UBE2V2: variants seen among roughly 807,000 people sequenced by gnomAD.
The protein encoded by UBE2V2 is ubiquitin conjugating enzyme E2 V2.
A neutral mutation model predicts 17.2 loss-of-function variants in UBE2V2; 9 were observed. The ratio of observed to expected loss-of-function variants is 0.52; its 90% CI spans 0.32 to 0.91. The LOEUF is 0.91. UBE2V2 is among the 40% of genes least tolerant of loss of function. The pLI is 0.04. For synonymous variants in UBE2V2, 61 were observed against 57.5 expected (o/e 1.06, Z -0.28); for missense variants, 133 against 182.6 (o/e 0.73, Z 1.56).
intron 1 of UBE2V2, among the ~76,000 whole-genome samples, chr8:48,014,941 T>G (rs1362031968): frequency 1.4e-5 from 2 of 146,714 alleles, no homozygotes; most frequent in African/African-American, 2.6e-5. Flanking sequence ...TCCTGGCTAC[T>G]GGGGAGACTG....
At chr8:48,047,702 C>T (rs1394217827) in intron 2 of UBE2V2, among the ~76,000 whole-genome samples, 3 of 151,912 alleles carry the variant, frequency 2.0e-5, no homozygotes, top group Non-Finnish European at 4.4e-5. Flanking sequence ...GGATTACAGG[C>T]GTGTGCTACC....
At chr8:47,997,478 C>G in the UBE2V2 span, among the ~76,000 whole-genome samples, 1 of 151,956 alleles carries the variant, frequency 6.6e-6, no homozygotes, top group African/African-American at 2.4e-5. Context: ...TGGGCCTGGG[C>G]TGCAAGTCAC....
chr8:48,039,955 C>A (rs377036718), intron 1 of UBE2V2, among the ~76,000 whole-genome samples: 1 of 151,932 alleles, frequency 6.6e-6, no homozygotes, highest in Non-Finnish European at 1.5e-5. Flanking sequence ...GTTTCCAACT[C>A]CTGGGCTCAG....
intron 1 of UBE2V2, among the ~76,000 whole-genome samples, chr8:48,016,725 T>A (rs1307667890): frequency 6.6e-6 from 1 of 151,090 alleles, no homozygotes; most frequent in East Asian, 1.9e-4. Context: ...CAGGTGATCT[T>A]CCCACCTTGG....
intron 1 of UBE2V2, among the ~76,000 whole-genome samples, chr8:48,033,019 C>T (rs1274198718): frequency 6.6e-6 from 1 of 152,074 alleles, no homozygotes; most frequent in African/African-American, 2.4e-5. Flanking sequence ...AGGAATTCCA[C>T]TGAGGATGCC....
intron 1 of UBE2V2, among the ~76,000 whole-genome samples, chr8:48,041,252 G>C (rs1463362898): frequency 1.3e-5 from 2 of 150,376 alleles, no homozygotes; most frequent in African/African-American, 4.9e-5. Context: ...GCTCACTGCA[G>C]CCTCCGCCTC....
intron 1 of UBE2V2, among the ~76,000 whole-genome samples, chr8:48,027,699 CA>C (rs2091354801): frequency 6.6e-6 from 1 of 151,984 alleles, no homozygotes; most frequent in Non-Finnish European, 1.5e-5. Context: ...GGTGTTTCAC[CA>C]TGTTGCCCAG....
At chr8:47,998,318 C>T in the UBE2V2 span, among the ~76,000 whole-genome samples, 4 of 151,820 alleles carry the variant, frequency 2.6e-5, no homozygotes, top group Non-Finnish European at 2.9e-5. Flanking sequence ...AGTAGGGGCG[C>T]ACGTAGAAGA....
At chr8:48,041,425 C>T (rs1051194987) in intron 1 of UBE2V2, among the ~76,000 whole-genome samples, 7 of 151,978 alleles carry the variant, frequency 4.6e-5, no homozygotes, top group African/African-American at 1.4e-4. Context: ...GAGGTTGGCT[C>T]GGCTACAGAG....
chr8:48,056,485 C>G (rs2091572456), intron 3 of UBE2V2, among the ~76,000 whole-genome samples: 1 of 152,076 alleles, frequency 6.6e-6, no homozygotes, highest in Non-Finnish European at 1.5e-5. Context: ...TATGCAGGTT[C>G]CCAGCTTCTC....
intron 2 of UBE2V2, among the ~76,000 whole-genome samples, chr8:48,049,136 T>C (rs1407476944): frequency 6.6e-6 from 1 of 152,184 alleles, no homozygotes. Flanking sequence ...AAATGATGTG[T>C]AAACATAAAG....
intron 3 of UBE2V2, among the ~76,000 whole-genome samples, chr8:48,059,321 C>G (rs1802546726): frequency 6.6e-6 from 1 of 152,070 alleles, no homozygotes; most frequent in African/African-American, 2.4e-5. Context: ...GTGCGCAGCC[C>G]TACACATGTG....
chr8:48,018,630 T>A (rs912445156), intron 1 of UBE2V2, among the ~76,000 whole-genome samples: 1 of 152,228 alleles, frequency 6.6e-6, no homozygotes, highest in Non-Finnish European at 1.5e-5. Flanking sequence ...ATTATGCCAC[T>A]GTTGAATGGT....
chr8:48,052,485 C>T (rs2091545061), intron 3 of UBE2V2, among the ~76,000 whole-genome samples: 1 of 152,168 alleles, frequency 6.6e-6, no homozygotes, highest in South Asian at 2.1e-4. Flanking sequence ...CTCTCTACCT[C>T]CCTTCCCCCA....
intron 1 of UBE2V2, among the ~76,000 whole-genome samples, chr8:48,026,811 A>C (rs1478048283): frequency 6.6e-6 from 1 of 152,082 alleles, no homozygotes; most frequent in African/African-American, 2.4e-5. Context: ...TTGTTTATTC[A>C]TTCATCATGT....
At chr8:48,053,673 G>A (rs1165638075) in intron 3 of UBE2V2, among the ~76,000 whole-genome samples, 6 of 151,910 alleles carry the variant, frequency 3.9e-5, no homozygotes, top group Non-Finnish European at 5.9e-5. Context: ...TGATCCGCCC[G>A]CCTCGGCCTC....
chr8:48,007,896 T>A (rs1369787222), upstream of UBE2V2, among the ~76,000 whole-genome samples: 1 of 152,104 alleles, frequency 6.6e-6, no homozygotes, highest in Non-Finnish European at 1.5e-5. Flanking sequence ...GAATCGTTTA[T>A]CAACGCAAAT....
intron 1 of UBE2V2, among the ~76,000 whole-genome samples, chr8:48,027,701 T>A (rs1011686051): frequency 2.0e-5 from 3 of 152,056 alleles, no homozygotes; most frequent in Admixed American, 6.5e-5. Flanking sequence ...TGTTTCACCA[T>A]GTTGCCCAGG....
chr8:48,014,868 G>A (rs2091257982), intron 1 of UBE2V2, among the ~76,000 whole-genome samples: 1 of 150,422 alleles, frequency 6.6e-6, no homozygotes, highest in Non-Finnish European at 1.5e-5. Context: ...GGCTAACATG[G>A]TGAAACCCCG....
Sources: gnomAD v4.1 joint callset for allele counts (sites outside exome capture counted in the v4.1 genomes callset) on GRCh38, gnomAD v4.1.1 for gene constraint, MANE v1.5 for transcripts, NCBI Gene and HGNC (gene_info 2026-07-23, HGNC 2026-07-21) for gene names.